SUGP1: variants seen among roughly 807,000 people sequenced by gnomAD.
SUGP1 encodes the protein SURP and G-patch domain containing 1, also known as SURP and G-patch domain-containing protein 1.
In SUGP1, 34 loss-of-function variants were observed where a neutral mutation model predicts 76.5. That is an observed-to-expected ratio of 0.44 (90% CI 0.34 to 0.59). The LOEUF (loss-of-function observed/expected upper bound fraction) is 0.59. Among genes scored for constraint, SUGP1 ranks in the 20% least tolerant of loss-of-function variants. The pLI, the probability that SUGP1 is intolerant of heterozygous loss-of-function variation, is 0.01. For synonymous variants in SUGP1, 326 were observed against 326.2 expected, an observed-to-expected ratio of 1.00 and a Z score of 0.01; for missense variants, 752 against 851.7, an observed-to-expected ratio of 0.88 and a Z score of 1.46.
At chr19:19,276,801 G>A (rs529179777) in intron 13 of SUGP1, 127 bp from the exon 14 acceptor site, 319 of 1,545,294 alleles carry the variant, frequency 2.1e-4, no homozygotes, top group South Asian at 3.7e-4. Context: ...CTTGGGGGAC[G>A]GGTGGGGGCT....
chr19:19,318,248 T>C (rs568413500), intron 1 of SUGP1, among the ~76,000 whole-genome samples: 1 of 150,258 alleles, frequency 6.7e-6, no homozygotes, highest in Non-Finnish European at 1.5e-5. Flanking sequence ...CTCCCGAGTA[T>C]CTGGGACTAC....
At chr19:19,300,645 G>A (rs1284582627) in intron 7 of SUGP1, among the ~76,000 whole-genome samples, 6 of 152,110 alleles carry the variant, frequency 3.9e-5, no homozygotes, top group African/African-American at 9.7e-5. Flanking sequence ...TCGTCCCCCC[G>A]ACCCACCCAG....
chr19:19,303,729 T>G lies in SUGP1; in HGVS notation c.657A>C (p.Ala219=). The change falls in exon 5 of 14, where the codon GCA becomes GCC. Residue 219 remains alanine, a synonymous_variant. Transcript: ENST00000247001. ...CCTTCCCCGGAGATACTCACGCAAA[T>G]GCTGGGTTATCCTTGTAGTCCTCCA... The part of the protein sequence containing the change: ...VAMEDYKDNP[A]FAFLHDKNSR... The G allele has an allele frequency of 6.2e-7, 1 of 1,614,194 alleles. No homozygotes were observed. The highest frequency in any genetic ancestry group is 1.1e-5 in the South Asian group (1 of 91,090).
Position 19,297,252 on chromosome 19 carries a change from A to T in SUGP1, c.980T>A (p.Phe327Tyr). 6.3e-7 allele frequency: 1 copy of T among 1,584,004 alleles called. No homozygotes were observed. The highest frequency in any genetic ancestry group is 8.6e-7 in the Non-Finnish European group (1 of 1,159,958). Reference sequence around the variant, plus strand: ...CTTCAGGCCGGGATCAGGTGCTGTGAAGCTGCCTGTGGAGCTGGCCTTGGC... The same window carrying T: ...CTTCAGGCCGGGATCAGGTGCTGTGTAGCTGCCTGTGGAGCTGGCCTTGGC... Reference protein sequence around the residue: ...RKAKASSTGSFTAPDPGLKRK... With the variant: ...RKAKASSTGSYTAPDPGLKRK... Residue 327 changes from phenylalanine (F) to tyrosine (Y), a missense_variant, in exon 8 of 14, where the codon TTC becomes TAC. Transcript: ENST00000247001.
chr19:19,318,113 C>CTTTTTTT (rs1192437542), intron 1 of SUGP1, among the ~76,000 whole-genome samples: 3 of 97,676 alleles, frequency 3.1e-5, no homozygotes, highest in African/African-American at 8.8e-5. Context: ...ACCCAGCCTT[C>CTTTTTTT]TTTTTTTTTT....
rs527996995 is a variant in SUGP1, at chr19:19,278,544, T to A, written c.1635+146A>T. The A allele has an allele frequency of 1.1e-5, 7 of 662,248 alleles. No individual in the cohort carries two copies. The African/African-American group carries it at 1.1e-4, about 10-fold the overall frequency. The allele number at this position is 662,248 out of a possible 1,614,324, so 41.0% of individuals were successfully genotyped here. ...TCCCTACACAGACGGCGCCTGTCATTAACAGATGCCTCCTGCAGCGAAAAG... is the reference window on the plus strand; with the variant it reads ...TCCCTACACAGACGGCGCCTGTCATAAACAGATGCCTCCTGCAGCGAAAAG... On this transcript the variant is annotated intron_variant, in intron 11 of 13. Transcript: ENST00000247001.
intron 11 of SUGP1, 89 bp from the exon 12 acceptor site, chr19:19,277,968 G>T: frequency 6.6e-7 from 1 of 1,511,582 alleles, no homozygotes; most frequent in Non-Finnish European, 9.0e-7. Context: ...TTCAATCAGT[G>T]CTGGGACCAG....
intron 9 of SUGP1, among the ~76,000 whole-genome samples, chr19:19,279,863 C>T (rs2061084084): frequency 6.6e-6 from 1 of 152,230 alleles, no homozygotes; most frequent in Non-Finnish European, 1.5e-5. Context: ...AACGTAGACT[C>T]TCCCATGGGA....
chr19:19,279,457 C>G (rs1273355555), intron 9 of SUGP1, 67 bp from the exon 10 acceptor site: 2 of 1,481,228 alleles, frequency 1.4e-6, no homozygotes, highest in African/African-American at 2.8e-5. Flanking sequence ...CGCTCCTGCT[C>G]CCCGCCTCCA....
In SUGP1 at chr19:19,303,403, C is replaced by A; in HGVS notation, c.708G>T (p.Lys236Asn). Residue 236 changes from lysine (K) to asparagine (N), a missense_variant, in exon 6 of 14, where the codon AAG (lysine) becomes AAT (asparagine). By Grantham distance (94) the Lys-to-Asn change is moderately conservative. Transcript: ENST00000247001. ...CTTCCTTTCTTATCTCAGCCACCTT[C>A]TTCCTGTAGTAGAGGAATTCCCTGC... is the stretch of plus-strand genomic sequence containing the variant. The part of the protein sequence containing the change: ...KNSREFLYYR[K>N]KVAEIRKEAQ... 4 of 1,614,208 alleles carry A rather than the reference C, an allele frequency of 2.5e-6. No individual in the cohort carries two copies. Among genetic ancestry groups the A allele is most frequent in the Non-Finnish European group, 3.4e-6 (4 of 1,180,050 alleles).
At chr19:19,277,399 C>T (rs2061061274) in intron 12 of SUGP1, among the ~76,000 whole-genome samples, 1 of 152,132 alleles carries the variant, frequency 6.6e-6, no homozygotes, top group Admixed American at 6.5e-5. Context: ...GGGAGAGCTC[C>T]TGCCCATCTC....
At chr19:19,320,419 C>A (rs1266974316) in intron 1 of SUGP1, 44 bp downstream of exon 1, 2 of 1,603,784 alleles carry the variant, frequency 1.2e-6, no homozygotes, top group Non-Finnish European at 1.7e-6. Context: ...ACACCTAGCC[C>A]CAGGGACCCA....
intron 3 of SUGP1, among the ~76,000 whole-genome samples, chr19:19,308,909 C>T (rs903782698): frequency 6.6e-6 from 1 of 152,062 alleles, no homozygotes; most frequent in African/African-American, 2.4e-5. Flanking sequence ...TCTTGTCCCC[C>T]AGGCTGGAGT....
intron 8 of SUGP1, among the ~76,000 whole-genome samples, chr19:19,295,816 G>C (rs1312936549): frequency 6.6e-6 from 1 of 152,086 alleles, no homozygotes; most frequent in Non-Finnish European, 1.5e-5. Flanking sequence ...GTTTCAGTGA[G>C]CTATGATTGT....
intron 3 of SUGP1, among the ~76,000 whole-genome samples, chr19:19,306,938 CCT>C (rs1365710557): frequency 6.6e-6 from 1 of 152,148 alleles, no homozygotes; most frequent in Admixed American, 6.6e-5. Context: ...CAGGAAGAGC[CCT>C]GAGTCTGGTG....
intron 2 of SUGP1, among the ~76,000 whole-genome samples, chr19:19,313,326 C>T (rs1043593843): frequency 3.3e-5 from 5 of 152,006 alleles, no homozygotes; most frequent in African/African-American, 4.8e-5. Flanking sequence ...ACCCAGGAAG[C>T]GAATGTTGCA....
chr19:19,292,078 G>A (rs2061189099), intron 8 of SUGP1, among the ~76,000 whole-genome samples: 1 of 151,924 alleles, frequency 6.6e-6, no homozygotes, highest in Non-Finnish European at 1.5e-5. Flanking sequence ...TTCAAGACCA[G>A]CCTGGCCAAC....
intron 3 of SUGP1, among the ~76,000 whole-genome samples, chr19:19,308,911 G>A (rs937961264): frequency 7.2e-5 from 11 of 151,762 alleles, no homozygotes; most frequent in Non-Finnish European, 1.5e-4. Context: ...TTGTCCCCCA[G>A]GCTGGAGTGC....
chr19:19,278,494 A>T (rs1007715836), intron 11 of SUGP1, among the ~76,000 whole-genome samples, 196 bp downstream of exon 11: 1 of 152,304 alleles, frequency 6.6e-6, no homozygotes, highest in East Asian at 1.9e-4. Context: ...TTTCTGAGGC[A>T]GCAGCTGAGC....
Sources: gnomAD v4.1 joint callset for allele counts (sites outside exome capture counted in the v4.1 genomes callset) on GRCh38, gnomAD v4.1.1 for gene constraint, MANE v1.5 for transcripts, NCBI Gene and HGNC (gene_info 2026-07-23, HGNC 2026-07-21) for gene names.